PBX1: variants seen among roughly 807,000 people sequenced by gnomAD.
The protein encoded by PBX1 is pre-B-cell leukemia transcription factor 1.
A neutral mutation model predicts 53.4 loss-of-function variants in PBX1; 6 were observed. That is an observed-to-expected ratio of 0.11 (90% CI 0.06 to 0.22). PBX1 has a LOEUF of 0.22. PBX1 is among the 10% of genes least tolerant of loss of function. The pLI is 1.00. For missense variants in PBX1, 251 were observed against 551.4 expected (o/e 0.46, Z 5.46); for synonymous variants, 204 against 212.3 (o/e 0.96, Z 0.34).
intron 2 of PBX1, among the ~76,000 whole-genome samples, chr1:164,859,618 G>C (rs1452690942): frequency 6.6e-6 from 1 of 152,182 alleles, no homozygotes; most frequent in East Asian, 1.9e-4. Context: ...TGAAAAGTTT[G>C]TGAGTCCTCT....
intron 2 of PBX1, among the ~76,000 whole-genome samples, chr1:164,751,314 C>CAA (rs527755578): frequency 0.054 from 4,270 of 78,812 alleles, 85 homozygotes; most frequent in South Asian, 0.12. Context: ...GACTCTGTCT[C>CAA]AAAAAAAAAA....
intron 2 of PBX1, among the ~76,000 whole-genome samples, chr1:164,591,121 C>T (rs1467453976): frequency 1.3e-5 from 2 of 151,962 alleles, no homozygotes; most frequent in African/African-American, 4.8e-5. Context: ...AAGCGATTCT[C>T]CTGCCTCAGC....
chr1:164,661,136 A>G (rs946292136), intron 2 of PBX1, among the ~76,000 whole-genome samples: 3 of 152,230 alleles, frequency 2.0e-5, no homozygotes, highest in East Asian at 1.9e-4. Flanking sequence ...TTCTCTGTCT[A>G]CCAACTCTTC....
At chr1:164,684,294 A>G (rs1034982300) in intron 2 of PBX1, 3 of 152,204 alleles carry the variant, frequency 2.0e-5, no homozygotes, top group Admixed American at 1.3e-4. Context: ...TAACATTATC[A>G]TCATGTTTTC....
intron 2 of PBX1, among the ~76,000 whole-genome samples, chr1:164,571,025 T>C (rs1653812536): frequency 6.6e-6 from 1 of 152,206 alleles, no homozygotes; most frequent in African/African-American, 2.4e-5. Context: ...AAGTGTCTGT[T>C]CATATCCTTC....
intron 2 of PBX1, among the ~76,000 whole-genome samples, chr1:164,666,369 G>A (rs1660809873): frequency 6.6e-6 from 1 of 152,130 alleles, no homozygotes; most frequent in Non-Finnish European, 1.5e-5. Context: ...ATTCTTATTT[G>A]TTGTTTTTGT....
At chr1:164,574,639 A>G (rs1051947602) in intron 2 of PBX1, among the ~76,000 whole-genome samples, 1 of 152,206 alleles carries the variant, frequency 6.6e-6, no homozygotes, top group African/African-American at 2.4e-5. Context: ...CCATCAATCA[A>G]GTTGAATTGC....
chr1:164,794,138 G>A (rs1668670575), intron 3 of PBX1, among the ~76,000 whole-genome samples: 1 of 152,026 alleles, frequency 6.6e-6, no homozygotes. Context: ...GCCTTCTAAA[G>A]TGCTGGGATT....
At chr1:164,609,762 C>T (rs1385102820) in intron 2 of PBX1, among the ~76,000 whole-genome samples, 1 of 152,198 alleles carries the variant, frequency 6.6e-6, no homozygotes, top group African/African-American at 2.4e-5. Flanking sequence ...ACTATTCTTA[C>T]CTGGCTTACA....
intron 2 of PBX1, chr1:164,684,021 T>C (rs1291353145): frequency 6.6e-6 from 1 of 152,128 alleles, no homozygotes; most frequent in African/African-American, 2.4e-5. Flanking sequence ...TCTCAGTATG[T>C]TGCTCAGGCT....
At chr1:164,727,734 G>C (rs1436439874) in intron 2 of PBX1, among the ~76,000 whole-genome samples, 1 of 152,178 alleles carries the variant, frequency 6.6e-6, no homozygotes, top group Admixed American at 6.5e-5. Context: ...TGGAAATTTG[G>C]ATACAGGTAA....
intron 5 of PBX1, among the ~76,000 whole-genome samples, chr1:164,810,478 A>AT (rs987362794): frequency 6.6e-6 from 1 of 151,690 alleles, no homozygotes; most frequent in Non-Finnish European, 1.5e-5. Context: ...TTCAGCTCAT[A>AT]TTTTTTTTAC....
At chr1:164,844,156 G>T (rs1452178088) in intron 8 of PBX1, among the ~76,000 whole-genome samples, 2 of 117,046 alleles carry the variant, frequency 1.7e-5, no homozygotes, top group Non-Finnish European at 1.7e-5. Context: ...TCTACTTCAT[G>T]ACATTGTACT....
chr1:164,581,669 A>T (rs993673140), intron 2 of PBX1, among the ~76,000 whole-genome samples: 2 of 152,196 alleles, frequency 1.3e-5, no homozygotes, highest in African/African-American at 4.8e-5. Flanking sequence ...TTTGAAGGGG[A>T]AGAAAAAGTT....
intron 2 of PBX1, among the ~76,000 whole-genome samples, chr1:164,575,022 C>A (rs1654123164): frequency 6.6e-6 from 1 of 151,918 alleles, no homozygotes; most frequent in Non-Finnish European, 1.5e-5. Context: ...TTTATAAGGC[C>A]AGTTGGAGGC....
At position 164,701,133 on chromosome 1, in the gene PBX1, T is replaced by G. The variant is rs144157773; in HGVS notation, c.266-91361T>G. On this transcript the variant is annotated intron_variant, in intron 2 of 8. Transcript: ENST00000420696. The stretch of plus-strand genomic sequence containing the variant: ...ATCTTTTCAGGAGACTCTTTGCCTT[T>G]TTGCATTTTTTTTTCCCCTGCTAGG... 6.6e-3 allele frequency among the ~76,000 whole-genome samples: 1,000 copies of G among 152,152 alleles called. 33 individuals carry two copies. The South Asian group carries it at 0.09, about 14-fold the overall frequency.
chr1:164,754,680 C>T (rs986510382), intron 2 of PBX1, among the ~76,000 whole-genome samples: 2 of 151,918 alleles, frequency 1.3e-5, no homozygotes, highest in African/African-American at 4.8e-5. Flanking sequence ...CGTGCGTGCA[C>T]GTGCGTGCGT....
chr1:164,853,957 G>A (rs887505393), downstream of PBX1, among the ~76,000 whole-genome samples: 6 of 149,588 alleles, frequency 4.0e-5, no homozygotes, highest in South Asian at 6.4e-4. Context: ...TTTTTGAGAC[G>A]GTATCTCGTG....
chr1:164,808,903 G>A (rs1344802522), intron 5 of PBX1, among the ~76,000 whole-genome samples: 1 of 152,106 alleles, frequency 6.6e-6, no homozygotes, highest in Non-Finnish European at 1.5e-5. Context: ...CCCAGCTGGA[G>A]GTCATTTTTA....
Sources: gnomAD v4.1 joint callset for allele counts (sites outside exome capture counted in the v4.1 genomes callset) on GRCh38, gnomAD v4.1.1 for gene constraint, MANE v1.5 for transcripts, NCBI Gene and HGNC (gene_info 2026-07-23, HGNC 2026-07-21) for gene names.